The following MAST4 variants were observed in gnomAD, a reference collection of about 807,000 sequenced individuals.
MAST4 encodes the protein microtubule-associated serine/threonine-protein kinase 4.
MAST4 carries 89 observed loss-of-function variants against 162.7 expected under a neutral mutation model. The ratio of observed to expected loss-of-function variants is 0.55; its 90% CI spans 0.46 to 0.65. The LOEUF (loss-of-function observed/expected upper bound fraction) is 0.65, where lower values mean the gene tolerates loss of function less well. Among genes scored for constraint, MAST4 ranks in the 30% least tolerant of loss-of-function variants. MAST4 has a pLI of 0.00. For synonymous variants in MAST4, 1,479 were observed against 1,361.1 expected, an observed-to-expected ratio of 1.09 and a Z score of -1.91; for missense variants, 3,153 against 3,374.0, an observed-to-expected ratio of 0.93 and a Z score of 1.62.
intron 4 of MAST4, among the ~76,000 whole-genome samples, chr5:67,026,382 T>C (rs1754648645): frequency 6.6e-6 from 1 of 152,220 alleles, no homozygotes; most frequent in African/African-American, 2.4e-5. Context: ...TTTTTGGCTT[T>C]ACAGCTGCTG....
intron 5 of MAST4, among the ~76,000 whole-genome samples, chr5:67,060,475 ATTTTT>A (rs71610552): frequency 8.3e-6 from 1 of 120,600 alleles, no homozygotes; most frequent in South Asian, 2.7e-4. Context: ...GAGTATCACA[ATTTTT>A]TTTTTTTTTT....
chr5:66,704,952 T>TG (rs751243766), intron 1 of MAST4, among the ~76,000 whole-genome samples: 1 of 152,064 alleles, frequency 6.6e-6, no homozygotes, highest in Non-Finnish European at 1.5e-5. Flanking sequence ...GTCCTAGAGG[T>TG]GGGGTCACTC....
At chr5:66,841,258 T>C (rs1463494931) in intron 3 of MAST4, among the ~76,000 whole-genome samples, 9 of 152,328 alleles carry the variant, frequency 5.9e-5, no homozygotes, top group African/African-American at 1.9e-4. Flanking sequence ...TTGCATCATA[T>C]GGCTTTCCCA....
At chr5:67,131,791 A>G in intron 15 of MAST4, 22 bp from the exon 16 acceptor site, 1 of 1,610,004 alleles carries the variant, frequency 6.2e-7, no homozygotes, top group Non-Finnish European at 8.5e-7. Flanking sequence ...TATAGCTACT[A>G]ACTCTTTTTC....
chr5:66,730,200 C>T (rs1751755392), intron 1 of MAST4, among the ~76,000 whole-genome samples: 1 of 152,282 alleles, frequency 6.6e-6, no homozygotes. Context: ...AGATTTTACA[C>T]ATGAAGAAAA....
At chr5:66,711,462 A>T (rs183706725) in intron 1 of MAST4, among the ~76,000 whole-genome samples, 8 of 152,234 alleles carry the variant, frequency 5.3e-5, no homozygotes, top group Non-Finnish European at 1.2e-4. Flanking sequence ...TCCTCAAAGC[A>T]TATAATTCCA....
chr5:66,883,017 C>T lies in MAST4; in HGVS notation c.643-16934C>T, dbSNP rs185952932. ...CTCTCACTCCTACAGTCAAAATAAC[C>T]TGGGTAAGTAATAAAAATCATAGTT... On this transcript the variant is annotated intron_variant, in intron 3 of 28. Coordinates refer to ENST00000403625, the MANE Select transcript of MAST4 (RefSeq NM_001164664.2). Among the ~76,000 whole-genome samples the T allele has an allele frequency of 2.6e-5, 4 of 152,216 alleles. No individual in the cohort carries two copies. In the East Asian group the frequency reaches 7.7e-4, roughly 29 times the overall value.
At chr5:66,899,266 T>G (rs1469583845) in intron 3 of MAST4, among the ~76,000 whole-genome samples, 1 of 152,194 alleles carries the variant, frequency 6.6e-6, no homozygotes, top group Non-Finnish European at 1.5e-5. Flanking sequence ...CACAGCCTCT[T>G]GATGATTAGG....
chr5:67,034,131 CT>C (rs1755722242), intron 4 of MAST4, among the ~76,000 whole-genome samples: 2 of 152,126 alleles, frequency 1.3e-5, no homozygotes, highest in Admixed American at 1.3e-4. Flanking sequence ...AGGCCTATAT[CT>C]TTTGTTGTGT....
At chr5:67,144,851 T>G in intron 22 of MAST4, 55 bp downstream of exon 22, 1 of 1,543,070 alleles carries the variant, frequency 6.5e-7, no homozygotes, top group Non-Finnish European at 8.7e-7. Flanking sequence ...GCAGAGTTTC[T>G]TAAACTTTAG....
At chr5:66,625,247 A>G (rs933462948) in intron 1 of MAST4, among the ~76,000 whole-genome samples, 1 of 152,190 alleles carries the variant, frequency 6.6e-6, no homozygotes, top group Admixed American at 6.5e-5. Flanking sequence ...AAGACAACCT[A>G]CAGAATGGGA....
chr5:67,035,566 CAG>C (rs1461955414), intron 4 of MAST4, among the ~76,000 whole-genome samples: 31 of 152,212 alleles, frequency 2.0e-4, no homozygotes, highest in African/African-American at 7.5e-4. Context: ...TCCTACTCAT[CAG>C]AGTTACTTAT....
chr5:66,640,767 C>T (rs1024150910), intron 1 of MAST4, among the ~76,000 whole-genome samples: 11 of 152,136 alleles, frequency 7.2e-5, no homozygotes, highest in Non-Finnish European at 1.3e-4. Flanking sequence ...ATTGCTGGAC[C>T]GTATGGTGGT....
chr5:66,706,608 A>ATTTTTTTTTTTTTTTTT (rs11294899), intron 1 of MAST4, among the ~76,000 whole-genome samples: 1 of 149,184 alleles, frequency 6.7e-6, no homozygotes. Flanking sequence ...AGAAATAGTA[A>ATTTTTTTTTTTTTTTTT]TTTTTTTTTT....
chr5:66,802,982 T>C (rs1298497798), intron 3 of MAST4, among the ~76,000 whole-genome samples: 2 of 152,176 alleles, frequency 1.3e-5, no homozygotes, highest in African/African-American at 2.4e-5. Context: ...ACTCAGCAGA[T>C]GATGAAAAAG....
rs990286429 is a variant in MAST4 at position 67,122,268 on chromosome 5, A to G, written c.1745+1166A>G. On this transcript the variant is annotated intron_variant, in intron 14 of 28. Transcript: ENST00000403625. ...ATCACACATGAGCAGATGAAACAAA[A>G]GAAGTTTTTGTTGTGCCACAAGGGA... Among the ~76,000 whole-genome samples, 5 of 152,340 alleles carry G rather than the reference A, an allele frequency of 3.3e-5. No homozygotes were observed. The South Asian group carries it at 8.3e-4, about 25-fold the overall frequency.
intron 1 of MAST4, among the ~76,000 whole-genome samples, chr5:66,696,416 C>G (rs889535289): frequency 6.6e-6 from 1 of 152,114 alleles, no homozygotes; most frequent in Non-Finnish European, 1.5e-5. Flanking sequence ...GCACCTCCTA[C>G]GGGTTTTAGT....
intron 4 of MAST4, among the ~76,000 whole-genome samples, chr5:66,956,284 C>T (rs1233900517): frequency 1.3e-5 from 2 of 152,124 alleles, no homozygotes; most frequent in African/African-American, 4.8e-5. Context: ...CTTGATATTT[C>T]GATGTAGAGG....
At position 66,995,888 on chromosome 5, in the gene MAST4, TACAC is replaced by T. The variant is rs34561453; in HGVS notation, c.675-58494_675-58491del. On this transcript the variant is annotated intron_variant, in intron 4 of 28. Coordinates refer to ENST00000403625, the MANE Select transcript of MAST4 (RefSeq NM_001164664.2). ...GATGCTCTCTCAAAACACACTCACA[TACAC>T]ACACACACACACACACACACAAACT... Among the ~76,000 whole-genome samples, 129 of 147,296 alleles carry T rather than the reference TACAC, an allele frequency of 8.8e-4. 2 individuals are homozygous for T. The highest frequency in any genetic ancestry group is 2.1e-3 in the African/African-American group (85 of 40,276).
Sources: gnomAD v4.1 joint callset for allele counts (sites outside exome capture counted in the v4.1 genomes callset) on GRCh38, gnomAD v4.1.1 for gene constraint, MANE v1.5 for transcripts, NCBI Gene and HGNC (gene_info 2026-07-23, HGNC 2026-07-21) for gene names.